The following SH3PXD2A variants were observed in gnomAD, a reference collection of about 807,000 sequenced individuals.
SH3PXD2A encodes the protein SH3 and PX domains 2A, also known as SH3 and PX domain-containing protein 2A.
Under a neutral mutation model 115.2 loss-of-function variants are expected in SH3PXD2A, and 32 were observed. The observed-to-expected ratio is 0.28, with a 90% confidence interval of 0.21 to 0.37. The LOEUF is 0.37. Ranked by LOEUF, SH3PXD2A falls within the 10% of genes least tolerant of loss-of-function variation. The pLI is 1.00. For missense variants in SH3PXD2A, 1,328 were observed against 1,498.7 expected, an observed-to-expected ratio of 0.89 and a Z score of 1.88; for synonymous variants, 610 against 629.1, an observed-to-expected ratio of 0.97 and a Z score of 0.45.
At chr10:103,621,280 G>A (rs1592266993) in intron 10 of SH3PXD2A, among the ~76,000 whole-genome samples, 1 of 152,154 alleles carries the variant, frequency 6.6e-6, no homozygotes, top group Non-Finnish European at 1.5e-5. Context: ...CTTGAGCTGC[G>A]TCCCAGCTTT....
At chr10:103,766,751 G>A (rs2038758964) in intron 3 of SH3PXD2A, among the ~76,000 whole-genome samples, 2 of 152,232 alleles carry the variant, frequency 1.3e-5, no homozygotes, top group African/African-American at 4.8e-5. Context: ...TAGAATGGGA[G>A]TCAGTACAAA....
chr10:103,752,068 G>A (rs1268861969), intron 3 of SH3PXD2A, among the ~76,000 whole-genome samples: 1 of 152,226 alleles, frequency 6.6e-6, no homozygotes, highest in African/African-American at 2.4e-5. Context: ...CCAAGTCAGT[G>A]AGGGGCAAAG....
intron 4 of SH3PXD2A, among the ~76,000 whole-genome samples, chr10:103,732,400 C>G (rs936321176): frequency 1.3e-5 from 2 of 152,230 alleles, no homozygotes; most frequent in African/African-American, 4.8e-5. Flanking sequence ...TTTGGAACCC[C>G]TCTTCATAGA....
chr10:103,755,923 G>A (rs564687579), intron 3 of SH3PXD2A, among the ~76,000 whole-genome samples: 1 of 152,242 alleles, frequency 6.6e-6, no homozygotes, highest in African/African-American at 2.4e-5. Flanking sequence ...CAGGGGTGTC[G>A]CCAGGCCACC....
At chr10:103,773,136 A>C (rs2134232475) in intron 2 of SH3PXD2A, among the ~76,000 whole-genome samples, 1 of 151,258 alleles carries the variant, frequency 6.6e-6, no homozygotes, top group East Asian at 2.0e-4. Context: ...AGGCAGGTGA[A>C]TCGCTTGAGC....
At chr10:103,855,112 C>T in intron 1 of SH3PXD2A, 83 bp downstream of exon 1, 4 of 992,958 alleles carry the variant, frequency 4.0e-6, no homozygotes, top group East Asian at 3.1e-5. Flanking sequence ...CGCGACCTCA[C>T]AGCTGGGAGG....
intron 1 of SH3PXD2A, among the ~76,000 whole-genome samples, chr10:103,805,583 T>C (rs2039193985): frequency 6.6e-6 from 1 of 152,230 alleles, no homozygotes; most frequent in Non-Finnish European, 1.5e-5. Context: ...TTCTTTGCCC[T>C]CTACTCTTCA....
intron 7 of SH3PXD2A, among the ~76,000 whole-genome samples, chr10:103,664,780 C>T (rs10883895): frequency 0.39 from 58,709 of 151,680 alleles, 11,401 homozygotes; most frequent in Middle Eastern, 0.42. Context: ...AATTCTCCAG[C>T]CTCAGCCTCC....
chr10:103,643,168 A>G lies in SH3PXD2A; in HGVS notation c.605-15966T>C, dbSNP rs114527820. On this transcript the variant is annotated intron_variant, in intron 8 of 14. Coordinates refer to ENST00000369774, the MANE Select transcript of SH3PXD2A (RefSeq NM_001394015.1). ...GATTCTTCTACTTGGTGTGGGGAGCAGCCACCACGAATGCCGATGCTTTTC... is the reference window on the plus strand; with the variant it reads ...GATTCTTCTACTTGGTGTGGGGAGCGGCCACCACGAATGCCGATGCTTTTC... Among the ~76,000 whole-genome samples the G allele has an allele frequency of 6.0e-3, 911 of 152,288 alleles. 8 individuals carry two copies. Among genetic ancestry groups the G allele is most frequent in the African/African-American group, 0.02 (846 of 41,556 alleles).
intron 5 of SH3PXD2A, among the ~76,000 whole-genome samples, chr10:103,718,383 A>G (rs1046485511): frequency 4.6e-5 from 7 of 152,148 alleles, no homozygotes; most frequent in Admixed American, 2.0e-4. Flanking sequence ...CCAAGCTGTC[A>G]CATGGCTCCC....
At chr10:103,623,151 G>A (rs1017907848) in intron 9 of SH3PXD2A, among the ~76,000 whole-genome samples, 4 of 152,144 alleles carry the variant, frequency 2.6e-5, no homozygotes, top group African/African-American at 4.8e-5. Flanking sequence ...GCACAGGGCC[G>A]GGCACACAGC....
At chr10:103,630,794 G>T (rs1449745670) in intron 8 of SH3PXD2A, among the ~76,000 whole-genome samples, 2 of 149,350 alleles carry the variant, frequency 1.3e-5, no homozygotes, top group Non-Finnish European at 3.0e-5. Flanking sequence ...GATGGAAAGT[G>T]ACTCAGTCCT....
At chr10:103,777,563 A>G (rs544758589) in intron 2 of SH3PXD2A, among the ~76,000 whole-genome samples, 4 of 152,232 alleles carry the variant, frequency 2.6e-5, no homozygotes, top group Non-Finnish European at 5.9e-5. Context: ...AGTGAGATAT[A>G]CACAGGGTGA....
chr10:103,835,050 G>A (rs1253349221), intron 1 of SH3PXD2A, among the ~76,000 whole-genome samples: 3 of 152,196 alleles, frequency 2.0e-5, no homozygotes, highest in African/African-American at 7.2e-5. Flanking sequence ...GGCTGATGTT[G>A]GAGCACACAG....
chr10:103,658,793 G>T (rs1592286389), intron 8 of SH3PXD2A, among the ~76,000 whole-genome samples: 3 of 152,322 alleles, frequency 2.0e-5, no homozygotes, highest in African/African-American at 7.2e-5. Context: ...TCCCAGCCTT[G>T]GAGTTCAGAC....
intron 3 of SH3PXD2A, among the ~76,000 whole-genome samples, chr10:103,761,932 A>G (rs974367650): frequency 2.0e-5 from 3 of 151,744 alleles, no homozygotes; most frequent in Admixed American, 2.0e-4. Context: ...ATGGGGATAA[A>G]GCCACCTGCA....
Position 103,786,188 on chromosome 10 carries a change from C to T in SH3PXD2A, c.153+15094G>A, listed in dbSNP as rs557082215. Reference sequence around the variant, plus strand: ...GCAAGGAAGGGAAAGGACTCCTCTCCTCTTCGAGGTGTGGGGCTTCCCAGG... The same window carrying T: ...GCAAGGAAGGGAAAGGACTCCTCTCTTCTTCGAGGTGTGGGGCTTCCCAGG... On this transcript the variant is annotated intron_variant, in intron 2 of 14. Coordinates refer to ENST00000369774, the MANE Select transcript of SH3PXD2A (RefSeq NM_001394015.1). Among the ~76,000 whole-genome samples the T allele has an allele frequency of 6.3e-4, 96 of 152,296 alleles. 1 individual carries two copies. The highest frequency in any genetic ancestry group is 4.5e-3 in the Admixed American group (69 of 15,304).
chr10:103,660,940 C>T, intron 8 of SH3PXD2A, 43 bp downstream of exon 8: 2 of 1,610,046 alleles, frequency 1.2e-6, no homozygotes, highest in Non-Finnish European at 1.7e-6. Flanking sequence ...GCCCGGGGGC[C>T]AGACCGGAAC....
chr10:103,823,023 C>T (rs1034245934), intron 1 of SH3PXD2A, among the ~76,000 whole-genome samples: 3 of 152,158 alleles, frequency 2.0e-5, no homozygotes, highest in African/African-American at 7.2e-5. Context: ...TTCAGGAGGG[C>T]CATTTGCCAA....
Sources: allele counts gnomAD v4.1 joint callset (sites outside exome capture counted in the v4.1 genomes callset), GRCh38; gene constraint gnomAD v4.1.1; transcripts MANE v1.5; gene names NCBI Gene and HGNC (gene_info 2026-07-23, HGNC 2026-07-21).